The following B3GNT5 variants were observed in gnomAD, a reference collection of about 807,000 sequenced individuals.
B3GNT5 encodes UDP-GlcNAc:betaGal beta-1,3-N-acetylglucosaminyltransferase 5.
In B3GNT5, 11 loss-of-function variants were observed where a neutral mutation model predicts 25.9. The ratio of observed to expected loss-of-function variants is 0.42; its 90% confidence interval spans 0.27 to 0.70. The LOEUF (loss-of-function observed/expected upper bound fraction) is 0.70. B3GNT5 is among the 30% of genes least tolerant of loss of function. The pLI is 0.23. For missense variants in B3GNT5, 385 were observed against 458.4 expected (o/e 0.84, Z 1.46); for synonymous variants, 166 against 158.6 (o/e 1.05, Z -0.35).
At chr3:183,259,421 A>AT (rs1309126970) in intron 1 of B3GNT5, among the ~76,000 whole-genome samples, 4 of 152,080 alleles carry the variant, frequency 2.6e-5, no homozygotes, top group African/African-American at 9.7e-5. Flanking sequence ...GAGAACTTGT[A>AT]TTTTTTATTC....
At chr3:183,264,263 C>T (rs1725894280) in intron 1 of B3GNT5, among the ~76,000 whole-genome samples, 1 of 152,192 alleles carries the variant, frequency 6.6e-6, no homozygotes, top group Non-Finnish European at 1.5e-5. Flanking sequence ...TGTTCCTACT[C>T]CTGCAGCCAC....
Position 183,270,636 on chromosome 3 carries a change from TAC to T in B3GNT5, c.840_841del (p.Ile281ArgfsTer11). The T allele has an allele frequency of 1.2e-6, 2 of 1,614,186 alleles. No individual in the cohort carries two copies. The highest frequency in any genetic ancestry group is 1.7e-6 in the Non-Finnish European group (2 of 1,180,046). On this transcript the variant is annotated frameshift_variant, in exon 2 of 2. Coordinates refer to ENST00000326505, the MANE Select transcript of B3GNT5 (RefSeq NM_032047.5). LOFTEE classifies it high-confidence loss of function. The surrounding 1 kb of genome is among the most constrained non-coding windows in gnomAD (Gnocchi z 4.5). ...EASQTLNSSL[Y>X]IDDVFMGLCA... Reference sequence around the variant, plus strand: ...ATCACAGACACTAAATTCAAGTCTTTACATAGACGATGTGTTCATGGGCCTCT... The same window carrying T: ...ATCACAGACACTAAATTCAAGTCTTTATAGACGATGTGTTCATGGGCCTCT...
At position 183,270,639 on chromosome 3, in the gene B3GNT5, A is replaced by G. The variant is rs1182571517; in HGVS notation, c.841A>G (p.Ile281Val). 5 of 1,614,226 alleles carry G rather than the reference A, an allele frequency of 3.1e-6. No individual in the cohort carries two copies. In the Admixed American group the frequency reaches 5.0e-5, roughly 16 times the overall value. The change falls in exon 2 of 2, where the codon ATA (isoleucine) becomes GTA (valine). Residue 281 changes from isoleucine to valine, a missense_variant. Ile to Val is a conservative substitution (Grantham distance 29). Coordinates refer to ENST00000326505, the MANE Select transcript of B3GNT5 (RefSeq NM_032047.5). This position sits in a 1 kb window ranked among gnomAD's most constrained non-coding sequence, Gnocchi z 4.5. ...ASQTLNSSLY[I>V]DDVFMGLCAN... The stretch of plus-strand genomic sequence containing the variant: ...ACAGACACTAAATTCAAGTCTTTAC[A>G]TAGACGATGTGTTCATGGGCCTCTG...
rs2108449099 is a variant in B3GNT5 at position 183,271,604 on chromosome 3, C to T, written c.*669C>T. 6.0e-6 allele frequency: 1 copy of T among 166,988 alleles called. No homozygotes were observed. The highest frequency in any genetic ancestry group is 2.4e-5 in the African/African-American group (1 of 41,506). 10.3% of individuals were successfully genotyped at this position (166,988 alleles called of 1,614,324 possible). ...TTTTAGAAAAGTGATTAATGTTGCC[C>T]TAATACTTTATATGTTTTTAATGGA... On this transcript the variant is annotated 3_prime_UTR_variant, in exon 2 of 2. Coordinates refer to ENST00000326505, the MANE Select transcript of B3GNT5 (RefSeq NM_032047.5).
rs762161604 is a variant in B3GNT5, at chr3:183,270,696, C to T, written c.898C>T (p.His300Tyr). ...ANKIGIVPQD[H>Y]VFFSGEGKTP... ...TAAAATAGGGATAGTACCGCAGGACCATGTGTTTTTTTCTGGAGAGGGTAA... is the reference window on the plus strand; with the variant it reads ...TAAAATAGGGATAGTACCGCAGGACTATGTGTTTTTTTCTGGAGAGGGTAA... Residue 300 changes from histidine to tyrosine, a missense_variant, in exon 2 of 2, where the codon CAT (histidine) becomes TAT (tyrosine). By Grantham distance (83) the His-to-Tyr change is moderately conservative. Coordinates refer to ENST00000326505, the MANE Select transcript of B3GNT5 (RefSeq NM_032047.5). The surrounding 1 kb of genome is among the most constrained non-coding windows in gnomAD (Gnocchi z 4.5). The T allele has an allele frequency of 6.2e-7, 1 of 1,613,848 alleles. No homozygotes were observed. Among genetic ancestry groups the T allele is most frequent in the Non-Finnish European group, 8.5e-7 (1 of 1,179,902 alleles).
In B3GNT5 at chr3:183,256,981, A is replaced by T. The variant is rs546223810; in HGVS notation, c.-302+3509A>T. Among the ~76,000 whole-genome samples the T allele has an allele frequency of 2.0e-5, 3 of 152,342 alleles. No homozygotes were observed. In the South Asian group the frequency reaches 6.2e-4, roughly 32 times the overall value. On this transcript the variant is annotated intron_variant, in intron 1 of 1. Transcript: ENST00000326505. ...CCTTAGCCATCAGATCAGTATTTTT[A>T]AAAACTCCTACCTAATTAATGTTTT... is the stretch of plus-strand genomic sequence containing the variant.
chr3:183,271,289 C>T lies in B3GNT5; in HGVS notation c.*354C>T, dbSNP rs188432305. 2.7e-4 allele frequency: 49 copies of T among 179,098 alleles called. No individual in the cohort carries two copies. The highest frequency in any genetic ancestry group is 5.3e-4 in the African/African-American group (22 of 41,832). The allele number at this position is 179,098 out of a possible 1,614,324, so 11.1% of individuals were successfully genotyped here. A position where few individuals can be genotyped will look rare whatever the true frequency, so the allele number is the denominator to read the frequency against. The stretch of plus-strand genomic sequence containing the variant: ...TTGCTTTTGGAAAATACCAAATGAA[C>T]GTACAGTACAACATTTCAAGGAAAT... On this transcript the variant is annotated 3_prime_UTR_variant, in exon 2 of 2. Coordinates refer to ENST00000326505, the MANE Select transcript of B3GNT5 (RefSeq NM_032047.5).
Position 183,253,347 on chromosome 3 carries a change from G to C in B3GNT5, c.-427G>C, listed in dbSNP as rs1279090986. ...TTTAAAGCCCGCAAGTTTTGTTCTTGAGACCAGCGACTTTAGCTCCGATGC... is the reference window on the plus strand; with the variant it reads ...TTTAAAGCCCGCAAGTTTTGTTCTTCAGACCAGCGACTTTAGCTCCGATGC... On this transcript the variant is annotated 5_prime_UTR_variant, in exon 1 of 2. Coordinates refer to ENST00000326505, the MANE Select transcript of B3GNT5 (RefSeq NM_032047.5). The C allele has an allele frequency of 6.6e-6, 1 of 152,086 alleles. No individual in the cohort carries two copies. Among genetic ancestry groups the C allele is most frequent in the East Asian group, 1.9e-4 (1 of 5,180 alleles). The allele number at this position is 152,086 out of a possible 1,614,324, so 9.4% of individuals were successfully genotyped here.
intron 1 of B3GNT5, among the ~76,000 whole-genome samples, chr3:183,256,433 G>A (rs368160343): frequency 7.2e-5 from 11 of 152,318 alleles, no homozygotes; most frequent in African/African-American, 2.4e-4. Flanking sequence ...TTGATCAGGT[G>A]AGATACAAGA....
chr3:183,272,339 C>T lies in B3GNT5; in HGVS notation c.*1404C>T, dbSNP rs929049144. On this transcript the variant is annotated 3_prime_UTR_variant, in exon 2 of 2. Coordinates refer to ENST00000326505, the MANE Select transcript of B3GNT5 (RefSeq NM_032047.5). ...AAAATAATGACTTCAGCAAGAGTGA[C>T]TGAACTCACTCTAAGGCCTTTGACT... The T allele has an allele frequency of 4.1e-5, 41 of 999,972 alleles. No homozygotes were observed. The highest frequency in any genetic ancestry group is 4.9e-5 in the Non-Finnish European group (41 of 829,874). The allele number at this position is 999,972 out of a possible 1,614,324, so 61.9% of individuals were successfully genotyped here. A position where few individuals can be genotyped will look rare whatever the true frequency, so the allele number is the denominator to read the frequency against.
intron 1 of B3GNT5, chr3:183,253,942 G>A (rs1724759030): frequency 6.6e-6 from 1 of 152,140 alleles, no homozygotes; most frequent in African/African-American, 2.4e-5. Context: ...GGAAAGTTCT[G>A]GCCGCTCGGC....
intron 1 of B3GNT5, among the ~76,000 whole-genome samples, chr3:183,264,056 T>C (rs937169686): frequency 7.9e-5 from 12 of 152,040 alleles, no homozygotes; most frequent in African/African-American, 2.9e-4. Flanking sequence ...TTAATCCCTC[T>C]TGCTCAAACT....
chr3:183,272,405 TAAG>T lies in B3GNT5; in HGVS notation c.*1471_*1473del. ...AGGGAAAATCAGATGTCTCATATAA[TAAG>T]GTGATGTCGGAAACACGCAAAACAA... On this transcript the variant is annotated 3_prime_UTR_variant, in exon 2 of 2. Coordinates refer to ENST00000326505, the MANE Select transcript of B3GNT5 (RefSeq NM_032047.5). 3.0e-6 allele frequency: 3 copies of T among 1,000,268 alleles called. No individual in the cohort carries two copies. The highest frequency in any genetic ancestry group is 3.6e-6 in the Non-Finnish European group (3 of 829,998). The allele number at this position is 1,000,268 out of a possible 1,614,324, so 62.0% of individuals were successfully genotyped here.
chr3:183,273,167 A>G lies in B3GNT5; in HGVS notation c.*2232A>G. Reference sequence around the variant, plus strand: ...AAAAAATGTCAACAAAGGGAAAATAAACTATCAGCTTGGATGGTCACTTGA... The same window carrying G: ...AAAAAATGTCAACAAAGGGAAAATAGACTATCAGCTTGGATGGTCACTTGA... On this transcript the variant is annotated 3_prime_UTR_variant, in exon 2 of 2. Coordinates refer to ENST00000326505, the MANE Select transcript of B3GNT5 (RefSeq NM_032047.5). 1 of 538,418 alleles carries G rather than the reference A, an allele frequency of 1.9e-6. No homozygotes were observed. Among genetic ancestry groups the G allele is most frequent in the Non-Finnish European group, 3.2e-6 (1 of 308,152 alleles). The allele number at this position is 538,418 out of a possible 1,614,324, so 33.4% of individuals were successfully genotyped here.
chr3:183,253,504 G>T (rs1315035182), intron 1 of B3GNT5, 32 bp downstream of exon 1: 1 of 152,362 alleles, frequency 6.6e-6, no homozygotes, highest in Non-Finnish European at 1.5e-5. Flanking sequence ...CCTGGGGCGG[G>T]GTTTCCCCCT....
chr3:183,271,001 T>C lies in B3GNT5; in HGVS notation c.*66T>C. 1 of 1,414,150 alleles carries C rather than the reference T, an allele frequency of 7.1e-7. No homozygotes were observed. The highest frequency in any genetic ancestry group is 9.6e-7 in the Non-Finnish European group (1 of 1,045,504). 87.6% of individuals were successfully genotyped at this position (1,414,150 alleles called of 1,614,324 possible). ...AACCTGGATGAAAAAAACCTTTAAA[T>C]GTTCGTCTATACCCTAAGTAAAATG... On this transcript the variant is annotated 3_prime_UTR_variant, in exon 2 of 2. Coordinates refer to ENST00000326505, the MANE Select transcript of B3GNT5 (RefSeq NM_032047.5).
At chr3:183,256,241 CTG>C (rs1227210593) in intron 1 of B3GNT5, among the ~76,000 whole-genome samples, 3 of 152,246 alleles carry the variant, frequency 2.0e-5, no homozygotes, top group Admixed American at 2.0e-4. Context: ...GTTCCAGAAA[CTG>C]AGGCACAGTA....
At chr3:183,260,205 A>C (rs1422590014) in intron 1 of B3GNT5, among the ~76,000 whole-genome samples, 1 of 152,052 alleles carries the variant, frequency 6.6e-6, no homozygotes, top group Non-Finnish European at 1.5e-5. Context: ...CAAAATGTGG[A>C]GGGAGATCCT....
rs747915894 is a variant in B3GNT5, at chr3:183,270,471, C to T, written c.673C>T (p.Arg225Cys). 95 of 1,614,042 alleles carry T rather than the reference C, an allele frequency of 5.9e-5. No individual in the cohort carries two copies. The highest frequency in any genetic ancestry group is 1.3e-4 in the South Asian group (12 of 91,086). Reference protein sequence around the residue: ...VQDFWIGRVHRGAPPIRDKSS... With the variant: ...VQDFWIGRVHCGAPPIRDKSS... Reference sequence around the variant, plus strand: ...AGACTTTTGGATTGGTCGTGTTCATCGTGGTGCCCCTCCCATTAGAGATAA... The same window carrying T: ...AGACTTTTGGATTGGTCGTGTTCATTGTGGTGCCCCTCCCATTAGAGATAA... Residue 225 changes from arginine to cysteine, a missense_variant, in exon 2 of 2, where the codon CGT (arginine) becomes TGT (cysteine). By Grantham distance (180) the Arg-to-Cys change is radical (BLOSUM62 -3). Coordinates refer to ENST00000326505, the MANE Select transcript of B3GNT5 (RefSeq NM_032047.5). The surrounding 1 kb of genome is among the most constrained non-coding windows in gnomAD (Gnocchi z 4.5).
Sources: gnomAD v4.1 joint callset for allele counts (sites outside exome capture counted in the v4.1 genomes callset) on GRCh38, gnomAD v4.1.1 for gene constraint, Gnocchi (gnomAD v3.1) non-coding constraint, MANE v1.5 for transcripts, NCBI Gene and HGNC (gene_info 2026-07-23, HGNC 2026-07-21) for gene names.